CNTNAP2: variants seen among roughly 807,000 people sequenced by gnomAD.
CNTNAP2 encodes the protein contactin-associated protein-like 2.
Under a neutral mutation model 155.2 loss-of-function variants are expected in CNTNAP2, and 98 were observed. The ratio of observed to expected loss-of-function variants is 0.63; its 90% CI spans 0.54 to 0.75. CNTNAP2 has a LOEUF of 0.75. Ranked by LOEUF, CNTNAP2 falls within the 30% of genes least tolerant of loss-of-function variation. The pLI, the probability that CNTNAP2 is intolerant of heterozygous loss-of-function variation, is 0.00. For missense variants in CNTNAP2, 1,727 were observed against 1,688.1 expected, an observed-to-expected ratio of 1.02 and a Z score of -0.40; for synonymous variants, 651 against 631.2, an observed-to-expected ratio of 1.03 and a Z score of -0.47.
At chr7:146,370,117 TA>T (rs112435730) in intron 1 of CNTNAP2, among the ~76,000 whole-genome samples, 20,070 of 148,058 alleles carry the variant, frequency 0.14, 3,459 homozygotes, top group African/African-American at 0.4. Flanking sequence ...AACCAATGAT[TA>T]AAAAAAAAAA....
At chr7:147,764,491 T>C (rs774563355) in intron 13 of CNTNAP2, among the ~76,000 whole-genome samples, 9 of 152,216 alleles carry the variant, frequency 5.9e-5, no homozygotes, top group Non-Finnish European at 1.3e-4. Context: ...GAGAAAGCTA[T>C]GATATGGCTC....
chr7:146,398,528 G>A (rs1439823400), intron 1 of CNTNAP2, among the ~76,000 whole-genome samples: 1 of 152,082 alleles, frequency 6.6e-6, no homozygotes. Context: ...ATGAGATTCG[G>A]GTGGGGACAT....
At chr7:146,289,598 C>T (rs1391101080) in intron 1 of CNTNAP2, among the ~76,000 whole-genome samples, 2 of 151,998 alleles carry the variant, frequency 1.3e-5, no homozygotes, top group Non-Finnish European at 1.5e-5. Flanking sequence ...CAAATTAAGC[C>T]CTGCTGTCTG....
chr7:147,549,890 T>A (rs1376981690), intron 11 of CNTNAP2, among the ~76,000 whole-genome samples: 1 of 152,214 alleles, frequency 6.6e-6, no homozygotes, highest in African/African-American at 2.4e-5. Flanking sequence ...TATATTTGAA[T>A]TATTTGGTTG....
intron 1 of CNTNAP2, among the ~76,000 whole-genome samples, chr7:146,617,034 T>TTTG (rs1799237911): frequency 6.6e-6 from 1 of 152,148 alleles, no homozygotes; most frequent in Non-Finnish European, 1.5e-5. Context: ...TGTTTGTTTG[T>TTTG]TTTGAGACGG....
intron 11 of CNTNAP2, among the ~76,000 whole-genome samples, chr7:147,540,065 A>G (rs1799612709): frequency 6.6e-6 from 1 of 152,216 alleles, no homozygotes; most frequent in Admixed American, 6.5e-5. Context: ...AAATTTGATC[A>G]TCTCATTCTG....
chr7:146,709,306 C>T (rs776075440), intron 1 of CNTNAP2, among the ~76,000 whole-genome samples: 31 of 152,126 alleles, frequency 2.0e-4, no homozygotes, highest in Non-Finnish European at 4.3e-4. Context: ...ACTGTACTCA[C>T]CACCATGCAT....
intron 14 of CNTNAP2, among the ~76,000 whole-genome samples, chr7:147,922,143 C>T (rs558183291): frequency 4.6e-5 from 7 of 152,130 alleles, no homozygotes; most frequent in East Asian, 1.9e-4. Context: ...ATACGCATGT[C>T]GATGCAAATT....
intron 1 of CNTNAP2, among the ~76,000 whole-genome samples, chr7:146,721,853 ATT>A (rs1491535904): frequency 1.1e-4 from 12 of 104,986 alleles, no homozygotes; most frequent in East Asian, 4.6e-4. Context: ...TATATTCTAC[ATT>A]TATATGTGTG....
At chr7:146,798,323 A>G (rs1349117671) in intron 2 of CNTNAP2, among the ~76,000 whole-genome samples, 1 of 151,770 alleles carries the variant, frequency 6.6e-6, no homozygotes, top group Non-Finnish European at 1.5e-5. Flanking sequence ...TCAAACAGAC[A>G]CAATCTGACA....
chr7:147,155,293 C>T (rs1801901545), intron 8 of CNTNAP2, among the ~76,000 whole-genome samples: 1 of 152,140 alleles, frequency 6.6e-6, no homozygotes, highest in Non-Finnish European at 1.5e-5. Context: ...GACACTGAAC[C>T]TGCCAGTGCC....
chr7:146,729,733 T>A (rs2129179168), intron 1 of CNTNAP2, among the ~76,000 whole-genome samples: 1 of 152,236 alleles, frequency 6.6e-6, no homozygotes, highest in South Asian at 2.1e-4. Context: ...CTCTTTATTG[T>A]TTACATCCAT....
intron 23 of CNTNAP2, among the ~76,000 whole-genome samples, chr7:148,412,154 A>G (rs1176745101): frequency 1.3e-5 from 2 of 152,100 alleles, no homozygotes; most frequent in African/African-American, 4.8e-5. Context: ...GTTGGCCAGG[A>G]TGGTCTCAAT....
intron 15 of CNTNAP2, among the ~76,000 whole-genome samples, chr7:148,010,148 G>T (rs1306058210): frequency 4.0e-5 from 6 of 151,536 alleles, no homozygotes; most frequent in Non-Finnish European, 8.8e-5. Flanking sequence ...ATTTAATTTG[G>T]GTTTTCTTGA....
At chr7:147,499,718 G>A (rs1172069468) in intron 11 of CNTNAP2, among the ~76,000 whole-genome samples, 1 of 152,140 alleles carries the variant, frequency 6.6e-6, no homozygotes. Flanking sequence ...TAAGCAGGAG[G>A]GAGAAAGAAT....
chr7:147,045,514 C>A (rs1799340009), intron 4 of CNTNAP2, among the ~76,000 whole-genome samples: 1 of 152,090 alleles, frequency 6.6e-6, no homozygotes, highest in South Asian at 2.1e-4. Flanking sequence ...ATTTGGTTAC[C>A]ATTTTATTGT....
chr7:147,862,513 A>G (rs2116687901), intron 13 of CNTNAP2, among the ~76,000 whole-genome samples: 1 of 152,276 alleles, frequency 6.6e-6, no homozygotes, highest in South Asian at 2.1e-4. Context: ...GGCAGTCGGG[A>G]GAAAATCTAA....
intron 1 of CNTNAP2, among the ~76,000 whole-genome samples, chr7:146,365,133 T>C (rs920828063): frequency 6.6e-6 from 1 of 152,204 alleles, no homozygotes; most frequent in African/African-American, 2.4e-5. Context: ...TTCTTTCTTT[T>C]ATCCAACTGC....
chr7:147,529,866 T>C (rs969133712), intron 11 of CNTNAP2, among the ~76,000 whole-genome samples: 1 of 152,228 alleles, frequency 6.6e-6, no homozygotes, highest in African/African-American at 2.4e-5. Context: ...GAAAAATTTA[T>C]TCCAAAGGCC....
Sources: allele counts gnomAD v4.1 joint callset (sites outside exome capture counted in the v4.1 genomes callset), GRCh38; gene constraint gnomAD v4.1.1; transcripts MANE v1.5; gene names NCBI Gene and HGNC (gene_info 2026-07-23, HGNC 2026-07-21).